The following CADPS2 variants were observed in gnomAD, a reference collection of about 807,000 sequenced individuals.
CADPS2 encodes the protein calcium-dependent secretion activator 2.
Under a neutral mutation model 172.5 loss-of-function variants are expected in CADPS2, and 93 were observed. That is an observed-to-expected ratio of 0.54 (90% confidence interval 0.46 to 0.64). The LOEUF is 0.64. CADPS2 is among the 30% of genes least tolerant of loss of function. The pLI, the probability that CADPS2 is intolerant of heterozygous loss-of-function variation, is 0.00. For synonymous variants in CADPS2, 546 were observed against 555.2 expected (o/e 0.98, Z 0.23); for missense variants, 1,420 against 1,565.9 (o/e 0.91, Z 1.57).
chr7:122,780,823 C>A (rs1235790627), intron 1 of CADPS2, among the ~76,000 whole-genome samples: 1 of 152,110 alleles, frequency 6.6e-6, no homozygotes, highest in Non-Finnish European at 1.5e-5. Flanking sequence ...TGTGGCTGCA[C>A]CACGATTTAC....
intron 6 of CADPS2, among the ~76,000 whole-genome samples, chr7:122,592,156 C>A (rs1168584781): frequency 6.6e-6 from 1 of 151,956 alleles, no homozygotes; most frequent in East Asian, 1.9e-4. Context: ...AAACAAACAA[C>A]CCCATCACAA....
chr7:122,810,683 T>A (rs1008688464), intron 1 of CADPS2, among the ~76,000 whole-genome samples: 5 of 152,164 alleles, frequency 3.3e-5, no homozygotes, highest in African/African-American at 1.2e-4. Flanking sequence ...ATTTGCTTTT[T>A]TAGCTCAAGT....
intron 6 of CADPS2, among the ~76,000 whole-genome samples, chr7:122,586,399 C>A (rs142630831): frequency 6.6e-6 from 1 of 152,012 alleles, no homozygotes; most frequent in East Asian, 1.9e-4. Context: ...ATAACTTGTG[C>A]CCACTTTTGA....
chr7:122,345,754 C>A, intron 27 of CADPS2, 73 bp from the exon 28 acceptor site: 1 of 975,866 alleles, frequency 1.0e-6, no homozygotes, highest in South Asian at 1.6e-5. Context: ...TTAATCATAC[C>A]CTGAAAAATA....
chr7:122,577,164 T>C (rs1174773143), intron 7 of CADPS2, among the ~76,000 whole-genome samples: 1 of 152,126 alleles, frequency 6.6e-6, no homozygotes, highest in Non-Finnish European at 1.5e-5. Flanking sequence ...GTAAGTTTCC[T>C]GAGGCTTCCC....
chr7:122,744,170 C>T (rs778622302), intron 1 of CADPS2, among the ~76,000 whole-genome samples: 21 of 152,152 alleles, frequency 1.4e-4, no homozygotes, highest in Admixed American at 6.6e-5. Context: ...GCTTCTTTCT[C>T]TTTTTTCTTT....
intron 1 of CADPS2, among the ~76,000 whole-genome samples, chr7:122,738,455 A>C (rs1370919937): frequency 6.6e-6 from 1 of 152,062 alleles, no homozygotes; most frequent in Non-Finnish European, 1.5e-5. Flanking sequence ...CTTGGAGATA[A>C]AACAACAAAT....
At chr7:122,460,968 G>A (rs1429104286) in intron 14 of CADPS2, among the ~76,000 whole-genome samples, 2 of 152,158 alleles carry the variant, frequency 1.3e-5, no homozygotes, top group Non-Finnish European at 2.9e-5. Flanking sequence ...GTTGGGACAA[G>A]CCACACTAAT....
intron 2 of CADPS2, among the ~76,000 whole-genome samples, chr7:122,706,551 C>T (rs941249652): frequency 4.1e-5 from 6 of 147,538 alleles, no homozygotes; most frequent in African/African-American, 1.5e-4. Context: ...AAAAGTCATT[C>T]TACCTAACTC....
At chr7:122,496,584 C>G (rs1010755345) in intron 9 of CADPS2, among the ~76,000 whole-genome samples, 13 of 152,174 alleles carry the variant, frequency 8.5e-5, no homozygotes, top group African/African-American at 3.1e-4. Context: ...TTTATGAGTT[C>G]TGTTCCAAAT....
At chr7:122,882,215 C>G (rs1823097514) in intron 1 of CADPS2, among the ~76,000 whole-genome samples, 1 of 152,130 alleles carries the variant, frequency 6.6e-6, no homozygotes, top group African/African-American at 2.4e-5. Flanking sequence ...ATACATTTCT[C>G]AAACTTAGAA....
At chr7:122,649,687 T>C (rs979786633) in intron 3 of CADPS2, among the ~76,000 whole-genome samples, 2 of 152,282 alleles carry the variant, frequency 1.3e-5, no homozygotes, top group Non-Finnish European at 2.9e-5. Flanking sequence ...CTGTACAGTA[T>C]ACATACTCCC....
chr7:122,698,557 T>G (rs754835644), intron 2 of CADPS2: 1 of 1,614,086 alleles, frequency 6.2e-7, no homozygotes, highest in Non-Finnish European at 8.5e-7. Context: ...GGCTCCCTTC[T>G]CAGTTGCCAC....
At chr7:122,833,384 T>C (rs1031398105) in intron 1 of CADPS2, among the ~76,000 whole-genome samples, 1 of 152,168 alleles carries the variant, frequency 6.6e-6, no homozygotes, top group African/African-American at 2.4e-5. Flanking sequence ...GGAGTCTCGC[T>C]CTGTTGCCCG....
intron 1 of CADPS2, among the ~76,000 whole-genome samples, chr7:122,769,127 T>C (rs940920130): frequency 6.6e-6 from 1 of 152,250 alleles, no homozygotes; most frequent in Non-Finnish European, 1.5e-5. Flanking sequence ...AGTAATGTTC[T>C]GCTTTTTTAC....
intron 1 of CADPS2, among the ~76,000 whole-genome samples, chr7:122,773,428 G>A (rs2093765958): frequency 6.6e-6 from 1 of 151,926 alleles, no homozygotes; most frequent in African/African-American, 2.4e-5. Flanking sequence ...CTAAACTGCT[G>A]ATAATATGAA....
At chr7:122,579,450 AAT>A (rs3034498) in intron 7 of CADPS2, among the ~76,000 whole-genome samples, 23,262 of 128,332 alleles carry the variant, frequency 0.18, 2,143 homozygotes, top group East Asian at 0.28. Context: ...AATTGCATCG[AAT>A]ATATATATAT....
intron 20 of CADPS2, among the ~76,000 whole-genome samples, chr7:122,405,667 C>A (rs201650038): frequency 4.2e-4 from 64 of 151,966 alleles, no homozygotes; most frequent in Admixed American, 4.2e-3. Flanking sequence ...TCAAACAAAA[C>A]AAACAAAAAA....
At chr7:122,546,242 T>A (rs543430452) in intron 8 of CADPS2, among the ~76,000 whole-genome samples, 7 of 152,302 alleles carry the variant, frequency 4.6e-5, no homozygotes, top group Non-Finnish European at 1.0e-4. Context: ...TGTTTACTTA[T>A]GATTTTCAAG....
Sources: allele counts gnomAD v4.1 joint callset (sites outside exome capture counted in the v4.1 genomes callset), GRCh38; gene constraint gnomAD v4.1.1; transcripts MANE v1.5; gene names NCBI Gene and HGNC (gene_info 2026-07-23, HGNC 2026-07-21).